MYO16: variants seen among roughly 807,000 people sequenced by gnomAD.
The protein encoded by MYO16 is unconventional myosin-XVI.
MYO16 carries 94 observed loss-of-function variants against 205.3 expected under a neutral mutation model. The observed-to-expected ratio is 0.46, with a 90% confidence interval of 0.39 to 0.54. The LOEUF is 0.54. MYO16 is among the 20% of genes least tolerant of loss of function. MYO16 has a pLI of 0.00. For synonymous variants in MYO16, 988 were observed against 954.0 expected, an observed-to-expected ratio of 1.04 and a Z score of -0.66; for missense variants, 2,315 against 2,387.5, an observed-to-expected ratio of 0.97 and a Z score of 0.63.
chr13:108,886,472 G>A (rs1879892374), intron 13 of MYO16: 1 of 456,102 alleles, frequency 2.2e-6, no homozygotes, highest in East Asian at 6.9e-5. Flanking sequence ...AGTAAGTGGA[G>A]TAGAATTTAT....
At chr13:109,177,600 C>G (rs1879263219) in intron 33 of MYO16, among the ~76,000 whole-genome samples, 1 of 152,088 alleles carries the variant, frequency 6.6e-6, no homozygotes, top group South Asian at 2.1e-4. Context: ...CTCACTGCAA[C>G]TCTCCCTCCC....
intron 10 of MYO16, among the ~76,000 whole-genome samples, chr13:108,853,728 A>T (rs528732788): frequency 9.9e-5 from 15 of 151,682 alleles, no homozygotes; most frequent in African/African-American, 3.6e-4. Flanking sequence ...TCAGCCTTCC[A>T]AGTAGCTGGG....
chr13:109,199,189 AAG>A (rs1566560047), intron 34 of MYO16, among the ~76,000 whole-genome samples: 2 of 105,036 alleles, frequency 1.9e-5, no homozygotes, highest in African/African-American at 7.3e-5. Flanking sequence ...TTTAATAAAA[AAG>A]GTATATATAT....
intron 16 of MYO16, among the ~76,000 whole-genome samples, chr13:108,949,378 A>G (rs1211831723): frequency 2.0e-5 from 3 of 152,210 alleles, no homozygotes; most frequent in African/African-American, 4.8e-5. Context: ...TCAATCACAT[A>G]TATTAATCAT....
At chr13:108,865,488 G>T in intron 11 of MYO16, among the ~76,000 whole-genome samples, 1 of 151,014 alleles carries the variant, frequency 6.6e-6, no homozygotes, top group African/African-American at 2.4e-5. Context: ...TGTTATTATT[G>T]TTTGCATGCA....
At chr13:109,098,208 T>C (rs994885681) in intron 27 of MYO16, among the ~76,000 whole-genome samples, 1 of 152,182 alleles carries the variant, frequency 6.6e-6, no homozygotes, top group East Asian at 1.9e-4. Context: ...CAAAAGTAAT[T>C]GCGGTTCAGG....
intron 32 of MYO16, among the ~76,000 whole-genome samples, chr13:109,145,564 G>C (rs913966437): frequency 8.5e-5 from 13 of 152,158 alleles, no homozygotes; most frequent in Admixed American, 8.5e-4. Context: ...TTGACTAAAT[G>C]TTTAATTGTC....
chr13:108,968,590 T>C (rs1334194448), intron 20 of MYO16, among the ~76,000 whole-genome samples: 1 of 151,912 alleles, frequency 6.6e-6, no homozygotes, highest in Non-Finnish European at 1.5e-5. Context: ...CGTGCCACTG[T>C]AGTCCCACCT....
chr13:108,770,256 G>A (rs532067476), intron 4 of MYO16, among the ~76,000 whole-genome samples: 1 of 152,126 alleles, frequency 6.6e-6, no homozygotes, highest in Non-Finnish European at 1.5e-5. Context: ...TAAACTCATT[G>A]AAATATTAAT....
chr13:108,790,697 A>T (rs1023981347), intron 5 of MYO16, among the ~76,000 whole-genome samples: 41 of 152,286 alleles, frequency 2.7e-4, no homozygotes, highest in African/African-American at 7.0e-4. Flanking sequence ...TATATATTTT[A>T]AAAAAATCTA....
intron 13 of MYO16, among the ~76,000 whole-genome samples, chr13:108,886,825 C>T (rs1255303149): frequency 6.6e-6 from 1 of 152,032 alleles, no homozygotes; most frequent in African/African-American, 2.4e-5. Flanking sequence ...CTGGAGAACT[C>T]CTTTCGGTAT....
At chr13:108,962,703 C>T (rs1883635413) in intron 19 of MYO16, among the ~76,000 whole-genome samples, 1 of 152,182 alleles carries the variant, frequency 6.6e-6, no homozygotes, top group Non-Finnish European at 1.5e-5. Flanking sequence ...ACTGGTCACC[C>T]TTTCTAGATA....
intron 27 of MYO16, chr13:109,065,582 G>A (rs1297627051): frequency 2.1e-6 from 1 of 473,956 alleles, no homozygotes; most frequent in South Asian, 1.6e-5. Flanking sequence ...GTCCCTACAG[G>A]AGATGTTTTA....
the MYO16 span, among the ~76,000 whole-genome samples, chr13:108,582,014 C>A: frequency 4.0e-5 from 6 of 151,772 alleles, no homozygotes; most frequent in African/African-American, 1.5e-4. Flanking sequence ...ATATTCATTG[C>A]TTCATTTGAG....
intron 34 of MYO16, among the ~76,000 whole-genome samples, chr13:109,198,006 A>G (rs1450540197): frequency 2.6e-5 from 4 of 152,114 alleles, no homozygotes; most frequent in Non-Finnish European, 2.9e-5. Flanking sequence ...CACTATTTCT[A>G]TTTGAAATGA....
chr13:108,672,655 T>C (rs1033192373), intron 2 of MYO16, among the ~76,000 whole-genome samples: 1 of 152,174 alleles, frequency 6.6e-6, no homozygotes, highest in Non-Finnish European at 1.5e-5. Flanking sequence ...CAATCTAAAA[T>C]GTGTTCAACA....
intron 2 of MYO16, among the ~76,000 whole-genome samples, chr13:108,696,157 G>A (rs1385403856): frequency 6.6e-6 from 1 of 152,052 alleles, no homozygotes; most frequent in African/African-American, 2.4e-5. Flanking sequence ...AAGACAATAT[G>A]GCCACTTTGG....
chr13:109,051,253 C>G (rs1887237789), intron 24 of MYO16, among the ~76,000 whole-genome samples: 1 of 152,020 alleles, frequency 6.6e-6, no homozygotes, highest in Non-Finnish European at 1.5e-5. Flanking sequence ...TCGTTTATTA[C>G]CTAATGTAGG....
At chr13:109,187,986 C>T (rs1310979691) in intron 34 of MYO16, among the ~76,000 whole-genome samples, 1 of 152,168 alleles carries the variant, frequency 6.6e-6, no homozygotes, top group African/African-American at 2.4e-5. Context: ...CCACACCTTT[C>T]GGTTTCATCA....
Sources: gnomAD v4.1 joint callset for allele counts (sites outside exome capture counted in the v4.1 genomes callset) on GRCh38, gnomAD v4.1.1 for gene constraint, MANE v1.5 for transcripts, NCBI Gene and HGNC (gene_info 2026-07-23, HGNC 2026-07-21) for gene names.